PDE11A: variants seen among roughly 807,000 people sequenced by gnomAD.
PDE11A encodes the protein dual 3',5'-cyclic-AMP and -GMP phosphodiesterase 11A.
A neutral mutation model predicts 100.5 loss-of-function variants in PDE11A; 100 were observed. That is an observed-to-expected ratio of 1.00 (90% CI 0.85 to 1.18). The LOEUF is 1.18. Ranked by LOEUF, PDE11A falls within the 50% of genes most tolerant of loss-of-function variation. PDE11A has a pLI of 0.00. For missense variants in PDE11A, 1,141 were observed against 1,152.6 expected (o/e 0.99, Z 0.15); for synonymous variants, 381 against 420.8 (o/e 0.91, Z 1.16).
chr2:177,714,385 T>C (rs1449889159), intron 12 of PDE11A, among the ~76,000 whole-genome samples: 1 of 152,224 alleles, frequency 6.6e-6, no homozygotes, highest in Non-Finnish European at 1.5e-5. Flanking sequence ...CATACATTGT[T>C]CTAAGAGCTT....
intron 15 of PDE11A, among the ~76,000 whole-genome samples, chr2:177,688,573 T>G (rs2080992989): frequency 6.9e-6 from 1 of 145,590 alleles, no homozygotes; most frequent in Non-Finnish European, 1.5e-5. Context: ...CATGAGGAAC[T>G]GTATCATTAA....
At chr2:177,814,195 T>C (rs558894273) in intron 9 of PDE11A, among the ~76,000 whole-genome samples, 1 of 152,278 alleles carries the variant, frequency 6.6e-6, no homozygotes, top group African/African-American at 2.4e-5. Context: ...AAGCAAGTTA[T>C]AAATACATAC....
At chr2:177,845,978 C>T (rs1377717514) in intron 5 of PDE11A, among the ~76,000 whole-genome samples, 1 of 150,970 alleles carries the variant, frequency 6.6e-6, no homozygotes, top group East Asian at 2.0e-4. Context: ...CAGTACAGTC[C>T]AGCTTCGGCT....
At chr2:177,966,185 T>C (rs935241991) in intron 2 of PDE11A, among the ~76,000 whole-genome samples, 4 of 152,182 alleles carry the variant, frequency 2.6e-5, no homozygotes, top group Admixed American at 1.3e-4. Context: ...AGAAACGTTA[T>C]TGATTTTTGT....
At chr2:177,896,366 T>C (rs192826346) in intron 4 of PDE11A, among the ~76,000 whole-genome samples, 46 of 152,358 alleles carry the variant, frequency 3.0e-4, no homozygotes, top group African/African-American at 1.1e-3. Context: ...GTTAGAAGAT[T>C]AGCAAGAATG....
intron 12 of PDE11A, among the ~76,000 whole-genome samples, chr2:177,719,031 C>A (rs936364823): frequency 6.6e-6 from 1 of 152,156 alleles, no homozygotes; most frequent in Non-Finnish European, 1.5e-5. Context: ...GCACTGTTTT[C>A]TAAAGAGAAG....
At chr2:177,799,690 C>A (rs1284814739) in intron 9 of PDE11A, among the ~76,000 whole-genome samples, 1 of 152,082 alleles carries the variant, frequency 6.6e-6, no homozygotes, top group Non-Finnish European at 1.5e-5. Context: ...ATGAAGCAGT[C>A]CCCCTTGGTC....
At chr2:177,944,186 T>C (rs1338134314) in intron 2 of PDE11A, among the ~76,000 whole-genome samples, 3 of 152,200 alleles carry the variant, frequency 2.0e-5, no homozygotes, top group African/African-American at 7.2e-5. Flanking sequence ...TTCTAGTCTA[T>C]GAAGGATGAA....
In PDE11A at chr2:178,051,023, C is replaced by T. The variant is rs2086819638; in HGVS notation, c.912+20503G>A. Among the ~76,000 whole-genome samples the T allele has an allele frequency of 2.0e-5, 3 of 152,080 alleles. No individual in the cohort carries two copies. In the South Asian group the frequency reaches 6.2e-4, roughly 32 times the overall value. On this transcript the variant is annotated intron_variant, in intron 1 of 19. Coordinates refer to ENST00000286063, the MANE Select transcript of PDE11A (RefSeq NM_016953.4). ...CAGAGAGAACGCCACAAAGATACTC[C>T]TTGAGAAGAGCAACTCCAAGACACA...
At chr2:177,926,244 AG>A (rs777958950) in intron 2 of PDE11A, among the ~76,000 whole-genome samples, 12 of 152,178 alleles carry the variant, frequency 7.9e-5, no homozygotes, top group Non-Finnish European at 1.6e-4. Context: ...AGGAAAAAAA[AG>A]ATTCTTGATT....
chr2:177,873,083 G>C (rs2084168041), intron 5 of PDE11A, among the ~76,000 whole-genome samples: 2 of 152,192 alleles, frequency 1.3e-5, no homozygotes, highest in Non-Finnish European at 2.9e-5. Context: ...GCCAAGAGCA[G>C]TCTAGGTCTT....
chr2:177,696,521 A>AAG (rs1422998080), intron 15 of PDE11A, among the ~76,000 whole-genome samples: 1 of 152,188 alleles, frequency 6.6e-6, no homozygotes, highest in Non-Finnish European at 1.5e-5. Context: ...AATTTGAGGA[A>AAG]AGAAATGTCT....
chr2:178,037,927 G>T (rs1040581185), intron 1 of PDE11A, among the ~76,000 whole-genome samples: 1 of 151,858 alleles, frequency 6.6e-6, no homozygotes, highest in East Asian at 1.9e-4. Context: ...TGCATGGGGG[G>T]CTTAAAAGCT....
intron 18 of PDE11A, among the ~76,000 whole-genome samples, chr2:177,666,702 G>A (rs1199181436): frequency 6.7e-6 from 1 of 148,812 alleles, no homozygotes; most frequent in Non-Finnish European, 1.5e-5. Flanking sequence ...ATTTTCTTTG[G>A]AGATATGTCT....
intron 9 of PDE11A, among the ~76,000 whole-genome samples, chr2:177,773,444 G>A (rs1395932533): frequency 6.6e-6 from 1 of 152,164 alleles, no homozygotes; most frequent in Non-Finnish European, 1.5e-5. Context: ...TACAGTTAAA[G>A]AATAAGACCT....
chr2:177,884,865 G>A (rs2084401264), intron 4 of PDE11A, among the ~76,000 whole-genome samples: 2 of 152,162 alleles, frequency 1.3e-5, no homozygotes, highest in Non-Finnish European at 2.9e-5. Flanking sequence ...CAAGGTAGAA[G>A]CAACAGATCA....
At position 177,623,641 on chromosome 2, in the gene PDE11A, A is replaced by T. The variant is rs1276613039; in HGVS notation, c.*5766T>A. 1 of 152,236 alleles carries T rather than the reference A, an allele frequency of 6.6e-6. No individual in the cohort carries two copies. The highest frequency in any genetic ancestry group is 1.5e-5 in the Non-Finnish European group (1 of 68,042). The allele number at this position is 152,236 out of a possible 1,614,324, so 9.4% of individuals were successfully genotyped here. On this transcript the variant is annotated 3_prime_UTR_variant, in exon 20 of 20. Coordinates refer to ENST00000286063, the MANE Select transcript of PDE11A (RefSeq NM_016953.4). ...CTAAACTAGAGTAAAAGAAAAATTGAGATTCGAATACACACGCATATACAC... is the reference window on the plus strand; with the variant it reads ...CTAAACTAGAGTAAAAGAAAAATTGTGATTCGAATACACACGCATATACAC...
At chr2:177,697,190 AG>A (rs1245967558) in intron 15 of PDE11A, 141 bp downstream of exon 15, 1 of 663,198 alleles carries the variant, frequency 1.5e-6, no homozygotes, top group Non-Finnish European at 2.8e-6. Context: ...TTTATATCAG[AG>A]AGAAACAACA....
At chr2:177,683,481 G>A (rs895879388) in intron 15 of PDE11A, 1 of 152,250 alleles carries the variant, frequency 6.6e-6, no homozygotes, top group Non-Finnish European at 1.5e-5. Context: ...AGTAAAACGA[G>A]CTCCCCGGAG....
Sources: allele counts gnomAD v4.1 joint callset (sites outside exome capture counted in the v4.1 genomes callset), GRCh38; gene constraint gnomAD v4.1.1; transcripts MANE v1.5; gene names NCBI Gene and HGNC (gene_info 2026-07-23, HGNC 2026-07-21).